CDC73: variants seen among roughly 807,000 people sequenced by gnomAD.
CDC73 encodes the protein parafibromin.
In CDC73, 21 loss-of-function variants were observed where a neutral mutation model predicts 83.7. The observed-to-expected ratio is 0.25, with a 90% CI of 0.18 to 0.36. CDC73 has a LOEUF of 0.36. Ranked by LOEUF, CDC73 falls within the 10% of genes least tolerant of loss-of-function variation. The pLI is 1.00. For synonymous variants in CDC73, 224 were observed against 212.9 expected (o/e 1.05, Z -0.45); for missense variants, 342 against 653.3 (o/e 0.52, Z 5.19).
At chr1:193,133,303 G>A (rs907079178) in intron 3 of CDC73, among the ~76,000 whole-genome samples, 2 of 152,118 alleles carry the variant, frequency 1.3e-5, no homozygotes, top group African/African-American at 4.8e-5. Flanking sequence ...TATTAAGACC[G>A]TATTCTTAGG....
intron 13 of CDC73, among the ~76,000 whole-genome samples, chr1:193,220,616 A>G (rs1677452454): frequency 6.6e-6 from 1 of 152,254 alleles, no homozygotes; most frequent in African/African-American, 2.4e-5. Flanking sequence ...TACAAAATCT[A>G]GGTATCCCGG....
intron 10 of CDC73, among the ~76,000 whole-genome samples, chr1:193,166,646 T>A (rs924765906): frequency 2.0e-5 from 3 of 151,818 alleles, no homozygotes; most frequent in African/African-American, 7.3e-5. Flanking sequence ...TTTCACACTT[T>A]TTTTCTTTTT....
At position 193,250,884 on chromosome 1, in the gene CDC73, T is replaced by C. The variant is rs1026820387; in HGVS notation, c.*172T>C. 1.2e-4 allele frequency: 75 copies of C among 628,742 alleles called. No individual in the cohort carries two copies. The highest frequency in any genetic ancestry group is 2.0e-4 in the Non-Finnish European group (71 of 349,562). 38.9% of individuals were successfully genotyped at this position (628,742 alleles called of 1,614,324 possible). A position where few individuals can be genotyped will look rare whatever the true frequency, so the allele number is the denominator to read the frequency against. On this transcript the variant is annotated 3_prime_UTR_variant, in exon 17 of 17. Transcript: ENST00000367435. ...ATAAGCAAACTTTTTGGCTTACAAC[T>C]ATTTTTTTAATATTAGCCTTCTAGT... is the stretch of plus-strand genomic sequence containing the variant.
intron 15 of CDC73, among the ~76,000 whole-genome samples, chr1:193,246,584 T>C (rs551583420): frequency 6.6e-6 from 1 of 152,254 alleles, no homozygotes; most frequent in African/African-American, 2.4e-5. Flanking sequence ...CCATTTATAG[T>C]AGCTATCAAA....
At chr1:193,126,075 A>G (rs891289438) in intron 2 of CDC73, among the ~76,000 whole-genome samples, 1 of 152,182 alleles carries the variant, frequency 6.6e-6, no homozygotes, top group Non-Finnish European at 1.5e-5. Context: ...AGCCTGGGCA[A>G]CATAGTGAGA....
At chr1:193,141,475 G>T (rs1192862164) in intron 6 of CDC73, among the ~76,000 whole-genome samples, 1 of 152,120 alleles carries the variant, frequency 6.6e-6, no homozygotes. Flanking sequence ...CTTTCTGTAG[G>T]ATGGATTTTT....
chr1:193,193,078 G>T (rs1375816095), intron 10 of CDC73, among the ~76,000 whole-genome samples: 5 of 152,122 alleles, frequency 3.3e-5, no homozygotes, highest in Admixed American at 2.0e-4. Context: ...CCCTGACCAA[G>T]CCCCTACAGC....
chr1:193,204,620 A>G (rs1044070217), intron 11 of CDC73, among the ~76,000 whole-genome samples: 1 of 152,010 alleles, frequency 6.6e-6, no homozygotes, highest in Admixed American at 6.5e-5. Context: ...GTTTTCCCCA[A>G]TTTGATTCAA....
At chr1:193,226,397 A>G (rs1056102103) in intron 13 of CDC73, among the ~76,000 whole-genome samples, 1 of 152,282 alleles carries the variant, frequency 6.6e-6, no homozygotes, top group Admixed American at 6.5e-5. Context: ...GTCTTGTTCC[A>G]GTTTTCAGAC....
chr1:193,242,979 G>A (rs1677888606), intron 15 of CDC73, among the ~76,000 whole-genome samples: 1 of 149,184 alleles, frequency 6.7e-6, no homozygotes, highest in South Asian at 2.1e-4. Flanking sequence ...TGGAGATGGA[G>A]TCTTGCTCTG....
chr1:193,195,485 C>T (rs563589600), intron 10 of CDC73, among the ~76,000 whole-genome samples: 8 of 151,950 alleles, frequency 5.3e-5, no homozygotes, highest in East Asian at 3.9e-4. Flanking sequence ...TGTTTAAGTC[C>T]GTGATTTCAA....
chr1:193,254,658 T>G lies in CDC73; in HGVS notation c.*3946T>G, dbSNP rs1422395663. Among the ~76,000 whole-genome samples the G allele has an allele frequency of 6.6e-6, 1 of 152,104 alleles. No homozygotes were observed. Among genetic ancestry groups the G allele is most frequent in the Non-Finnish European group, 1.5e-5 (1 of 67,998 alleles). ...GTATATAATAGATAATACTTGCAGG[T>G]TTTTTATGTGTTTTGGGTTTCTGTG... is the stretch of plus-strand genomic sequence containing the variant. On this transcript the variant is annotated 3_prime_UTR_variant, in exon 17 of 17. Transcript: ENST00000367435.
At chr1:193,155,457 G>C (rs938405861) in intron 10 of CDC73, among the ~76,000 whole-genome samples, 3 of 152,120 alleles carry the variant, frequency 2.0e-5, no homozygotes, top group African/African-American at 7.2e-5. Context: ...CCCCAAATTT[G>C]TTGCTTGGGT....
intron 6 of CDC73, among the ~76,000 whole-genome samples, 162 bp downstream of exon 6, chr1:193,138,335 A>G (rs1675837983): frequency 6.6e-6 from 1 of 152,206 alleles, no homozygotes; most frequent in Non-Finnish European, 1.5e-5. Context: ...ATTGGAAGTC[A>G]TTGTGTTTAT....
intron 3 of CDC73, among the ~76,000 whole-genome samples, chr1:193,133,577 A>G (rs1319260936): frequency 6.6e-6 from 1 of 152,212 alleles, no homozygotes; most frequent in African/African-American, 2.4e-5. Flanking sequence ...TTAGAAATCT[A>G]TATGTGAATT....
At chr1:193,144,362 TCTG>T (rs911715130) in intron 7 of CDC73, among the ~76,000 whole-genome samples, 1 of 151,930 alleles carries the variant, frequency 6.6e-6, no homozygotes. Flanking sequence ...CACCTGTAAT[TCTG>T]CTGCATAGTA....
chr1:193,203,921 G>T, intron 11 of CDC73, 69 bp downstream of exon 11: 1 of 1,246,826 alleles, frequency 8.0e-7, no homozygotes, highest in Non-Finnish European at 1.2e-6. Context: ...TTTAGTATGC[G>T]TATAATGCTT....
rs1249685338 is a variant in CDC73, at chr1:193,251,163, T to G, written c.*451T>G. The G allele has an allele frequency of 4.1e-6, 1 of 245,730 alleles. No individual in the cohort carries two copies. Among genetic ancestry groups the G allele is most frequent in the Admixed American group, 5.1e-5 (1 of 19,656 alleles). The allele number at this position is 245,730 out of a possible 1,614,324, so 15.2% of individuals were successfully genotyped here. On this transcript the variant is annotated 3_prime_UTR_variant, in exon 17 of 17. Transcript: ENST00000367435. The stretch of plus-strand genomic sequence containing the variant: ...ACCAAGCAAAGGGATGTGACTATTT[T>G]GAATGAATCAGAATGTCAACTTGTA...
At chr1:193,175,570 A>G (rs1001075666) in intron 10 of CDC73, among the ~76,000 whole-genome samples, 13 of 152,238 alleles carry the variant, frequency 8.5e-5, no homozygotes, top group Non-Finnish European at 1.3e-4. Flanking sequence ...AACCAAACCC[A>G]GAACGCCTGT....
Sources: gnomAD v4.1 joint callset for allele counts (sites outside exome capture counted in the v4.1 genomes callset) on GRCh38, gnomAD v4.1.1 for gene constraint, MANE v1.5 for transcripts, NCBI Gene and HGNC (gene_info 2026-07-23, HGNC 2026-07-21) for gene names.